Variants in SOS2 observed in about 807,000 individuals in gnomAD.
SOS2 encodes SOS Ras/Rho guanine nucleotide exchange factor 2.
Under a neutral mutation model 148.2 loss-of-function variants are expected in SOS2, and 65 were observed. The ratio of observed to expected loss-of-function variants is 0.44; its 90% CI spans 0.36 to 0.54. The LOEUF (loss-of-function observed/expected upper bound fraction) is 0.54. Ranked by LOEUF, SOS2 falls within the 20% of genes least tolerant of loss-of-function variation. The pLI is 0.00. For synonymous variants in SOS2, 539 were observed against 537.1 expected (o/e 1.00, Z -0.05); for missense variants, 1,341 against 1,590.2 (o/e 0.84, Z 2.67).
chr14:50,218,885 C>T (rs1365722817), intron 1 of SOS2, among the ~76,000 whole-genome samples: 5 of 152,026 alleles, frequency 3.3e-5, no homozygotes, highest in Admixed American at 1.3e-4. Context: ...GAGGCCGAGA[C>T]GAGTGGATCA....
rs1229882260 is a variant in SOS2, at chr14:50,145,462, T to C, written c.2504+15A>G. 1 of 1,593,520 alleles carries C rather than the reference T, an allele frequency of 6.3e-7. No individual in the cohort carries two copies. The highest frequency in any genetic ancestry group is 2.2e-5 in the East Asian group (1 of 44,738). On this transcript the variant is annotated intron_variant, in intron 15 of 22. Coordinates refer to ENST00000216373, the MANE Select transcript of SOS2 (RefSeq NM_006939.4). The stretch of plus-strand genomic sequence containing the variant: ...TATGGCTATTAGGAGGTAGTAAGAG[T>C]AAATTAAAACTTACTTTTCAAACCA...
At chr14:50,169,326 A>T (rs1046863214) in intron 8 of SOS2, among the ~76,000 whole-genome samples, 1 of 63,688 alleles carries the variant, frequency 1.6e-5, no homozygotes, top group Non-Finnish European at 3.0e-5. Context: ...AAAAAAAATA[A>T]AAATAAAAAT....
chr14:50,189,378 G>A (rs941545372), intron 4 of SOS2, among the ~76,000 whole-genome samples: 4 of 98,286 alleles, frequency 4.1e-5, no homozygotes, highest in South Asian at 3.2e-4. Flanking sequence ...ACAATAACCC[G>A]AGCCAAAAAT....
chr14:50,203,196 T>C (rs1566478421), intron 2 of SOS2, among the ~76,000 whole-genome samples: 1 of 151,702 alleles, frequency 6.6e-6, no homozygotes, highest in Admixed American at 6.6e-5. Context: ...AACAGTATAG[T>C]ATAAAAGTAA....
Position 50,168,125 on chromosome 14 carries a change from A to T in SOS2, c.1068+6329T>A, listed in dbSNP as rs56205121. 5.0e-3 allele frequency among the ~76,000 whole-genome samples: 762 copies of T among 152,322 alleles called. 5 individuals carry two copies. The highest frequency in any genetic ancestry group is 0.016 in the African/African-American group (684 of 41,568). ...TCTTTCCATTACTAAATTTCCAAGG[A>T]ATGACCAGGGAGTTAGGAGAGTAAG... On this transcript the variant is annotated intron_variant, in intron 8 of 22. Coordinates refer to ENST00000216373, the MANE Select transcript of SOS2 (RefSeq NM_006939.4).
intron 21 of SOS2, among the ~76,000 whole-genome samples, chr14:50,120,632 G>A (rs564686085): frequency 3.9e-4 from 59 of 151,472 alleles, no homozygotes; most frequent in African/African-American, 1.4e-3. Context: ...ATTTAATTAT[G>A]ATTAATGAGA....
At chr14:50,191,067 TCTCA>T (rs1459105302) in intron 4 of SOS2, among the ~76,000 whole-genome samples, 1 of 152,180 alleles carries the variant, frequency 6.6e-6, no homozygotes, top group Non-Finnish European at 1.5e-5. Flanking sequence ...TTAAAACTGC[TCTCA>T]CTATTGATCT....
At chr14:50,216,949 A>G (rs927639972) in intron 1 of SOS2, among the ~76,000 whole-genome samples, 1 of 152,164 alleles carries the variant, frequency 6.6e-6, no homozygotes, top group Admixed American at 6.5e-5. Flanking sequence ...GTAGAAATTG[A>G]TATGTTGATT....
intron 21 of SOS2, among the ~76,000 whole-genome samples, chr14:50,127,689 G>C (rs1883728987): frequency 6.6e-6 from 1 of 152,132 alleles, no homozygotes; most frequent in South Asian, 2.1e-4. Context: ...TGGGTCCTCT[G>C]CTACTGTTAA....
In SOS2 at chr14:50,219,466, A is replaced by G. The variant is rs373532775; in HGVS notation, c.87+11731T>C. Among the ~76,000 whole-genome samples the G allele has an allele frequency of 7.9e-5, 12 of 152,336 alleles. No homozygotes were observed. The East Asian group carries it at 9.6e-4, about 12-fold the overall frequency. On this transcript the variant is annotated intron_variant, in intron 1 of 22. Coordinates refer to ENST00000216373, the MANE Select transcript of SOS2 (RefSeq NM_006939.4). ...TCTATCAGTATTAATATAAAACTCT[A>G]GAAAATGCAATCGATAATGACAGAA... is the stretch of plus-strand genomic sequence containing the variant.
intron 17 of SOS2, among the ~76,000 whole-genome samples, chr14:50,139,020 T>C (rs890001871): frequency 6.6e-6 from 1 of 152,026 alleles, no homozygotes; most frequent in African/African-American, 2.4e-5. Flanking sequence ...TGTACAAAAA[T>C]AAAGGCTGCT....
chr14:50,178,670 GCATATATATATATATATATATATA>G (rs1361807555), intron 7 of SOS2, among the ~76,000 whole-genome samples: 1 of 67,964 alleles, frequency 1.5e-5, no homozygotes, highest in Non-Finnish European at 3.9e-5. Context: ...GTGTGTGTGT[GCATATATATATATATATATATATA>G]TATATATATA....
chr14:50,135,642 C>CTTTTTTTTTTTTT (rs56043962), intron 18 of SOS2, among the ~76,000 whole-genome samples: 2 of 82,566 alleles, frequency 2.4e-5, no homozygotes, highest in African/African-American at 9.7e-5. Context: ...ATGTGGTTTG[C>CTTTTTTTTTTTTT]TTTTTTTTTT....
chr14:50,153,208 C>CG (rs768915883), intron 12 of SOS2, 35 bp from the exon 13 acceptor site: 9 of 1,237,192 alleles, frequency 7.3e-6, no homozygotes, highest in South Asian at 1.2e-5. Flanking sequence ...TTTAGTGAAA[C>CG]ATAAGTGTTC....
At chr14:50,202,479 G>A (rs1269597009) in intron 2 of SOS2, among the ~76,000 whole-genome samples, 2 of 151,582 alleles carry the variant, frequency 1.3e-5, no homozygotes, top group African/African-American at 4.8e-5. Flanking sequence ...ATGCCTCTAA[G>A]TCTCAGCACT....
Position 50,161,789 on chromosome 14 carries a change from CTTTTTTTT to C in SOS2, c.1069-188_1069-181del, listed in dbSNP as rs36219580. On this transcript the variant is annotated intron_variant, in intron 8 of 22. Transcript: ENST00000216373. ...CCTCTCAAACCAACCCTTTTTCTTT[CTTTTTTTT>C]TTTTTTTTTTGAAACAGGATCTCAC... is the stretch of plus-strand genomic sequence containing the variant. 3.6e-3 allele frequency among the ~76,000 whole-genome samples: 490 copies of C among 135,302 alleles called. 3 individuals are homozygous for C. The highest frequency in any genetic ancestry group is 0.012 in the African/African-American group (452 of 36,376). The allele number at this position is 135,302 out of a possible 152,430, so 88.8% of individuals were successfully genotyped here. A position where few individuals can be genotyped will look rare whatever the true frequency, so the allele number is the denominator to read the frequency against.
chr14:50,173,711 G>A (rs548067277), intron 8 of SOS2, among the ~76,000 whole-genome samples: 3 of 152,166 alleles, frequency 2.0e-5, no homozygotes, highest in African/African-American at 4.8e-5. Flanking sequence ...GTGAACCACC[G>A]CGCCCGGCAG....
intron 1 of SOS2, among the ~76,000 whole-genome samples, chr14:50,219,800 T>C (rs1033703916): frequency 2.6e-5 from 4 of 152,178 alleles, no homozygotes; most frequent in African/African-American, 4.8e-5. Flanking sequence ...AAACCACAGC[T>C]GCATACTCTA....
intron 4 of SOS2, among the ~76,000 whole-genome samples, chr14:50,192,143 CAAAAAAAA>C (rs201836422): frequency 8.4e-6 from 1 of 118,908 alleles, no homozygotes; most frequent in Non-Finnish European, 1.7e-5. Flanking sequence ...GTCCTTGTCA[CAAAAAAAA>C]AAAAAAAAAA....
Sources: gnomAD v4.1 joint callset for allele counts (sites outside exome capture counted in the v4.1 genomes callset) on GRCh38, gnomAD v4.1.1 for gene constraint, MANE v1.5 for transcripts, NCBI Gene and HGNC (gene_info 2026-07-23, HGNC 2026-07-21) for gene names.